Variants in VASH1 observed in about 807,000 individuals in gnomAD.
The protein encoded by VASH1 is tubulinyl-Tyr carboxypeptidase 1.
Under a neutral mutation model 35.0 loss-of-function variants are expected in VASH1, and 16 were observed. That is an observed-to-expected ratio of 0.46 (90% confidence interval 0.31 to 0.70). The LOEUF is 0.70. Ranked by LOEUF, VASH1 falls within the 30% of genes least tolerant of loss-of-function variation. VASH1 has a pLI of 0.05. For synonymous variants in VASH1, 214 were observed against 200.9 expected, an observed-to-expected ratio of 1.07 and a Z score of -0.55; for missense variants, 505 against 510.7, an observed-to-expected ratio of 0.99 and a Z score of 0.11.
At chr14:76,775,849 C>A in intron 4 of VASH1, 43 bp from the exon 5 acceptor site, 1 of 1,507,024 alleles carries the variant, frequency 6.6e-7, no homozygotes, top group South Asian at 1.3e-5. Flanking sequence ...GTGTGCTGGC[C>A]CCGTGCTTCT....
At position 76,776,034 on chromosome 14, in the gene VASH1, G is replaced by A. The variant is rs767794190; in HGVS notation, c.673G>A (p.Asp225Asn). Residue 225 changes from aspartate to asparagine, a missense_variant, in exon 5 of 7, where the codon GAC becomes AAC. Physicochemically the swap from Asp to Asn is conservative, Grantham distance 23. Transcript: ENST00000167106. ...TGCGCTGGGCATGAGTCGGCGCGAGGACCTGATGTACAAGCCGCCCGCCTT... is the reference window on the plus strand; with the variant it reads ...TGCGCTGGGCATGAGTCGGCGCGAGAACCTGATGTACAAGCCGCCCGCCTT... ...YGALGMSRRE[D>N]LMYKPPAFRT... The A allele has an allele frequency of 4.3e-6, 7 of 1,612,004 alleles. No homozygotes were observed.
At position 76,779,557 on chromosome 14, in the gene VASH1, T is replaced by C; in HGVS notation, c.*539T>C. ...TAGGAGTCCTTCTGAGAAAGGTCTG[T>C]GTAGCCCATTAACCAGGAGCTTGGC... On this transcript the variant is annotated 3_prime_UTR_variant, in exon 7 of 7. Coordinates refer to ENST00000167106, the MANE Select transcript of VASH1 (RefSeq NM_014909.5). 1.5e-6 allele frequency: 1 copy of C among 675,240 alleles called. No individual in the cohort carries two copies. Among genetic ancestry groups the C allele is most frequent in the South Asian group, 1.6e-5 (1 of 62,388 alleles). The allele number at this position is 675,240 out of a possible 1,614,324, so 41.8% of individuals were successfully genotyped here. A position where few individuals can be genotyped will look rare whatever the true frequency, so the allele number is the denominator to read the frequency against.
chr14:76,773,406 T>C, intron 4 of VASH1, 195 bp downstream of exon 4: 1 of 587,438 alleles, frequency 1.7e-6, no homozygotes, highest in East Asian at 2.8e-5. Flanking sequence ...GAGGTCCCAG[T>C]ACCCCACATC....
At chr14:76,768,980 C>T (rs1893718622) in intron 1 of VASH1, among the ~76,000 whole-genome samples, 1 of 152,214 alleles carries the variant, frequency 6.6e-6, no homozygotes, top group Non-Finnish European at 1.5e-5. Flanking sequence ...TCTGAAACCT[C>T]GGAGGACCCT....
In VASH1 at chr14:76,776,298, C is replaced by T. The variant is rs774123852; in HGVS notation, c.912+25C>T. 5 of 1,458,468 alleles carry T rather than the reference C, an allele frequency of 3.4e-6. No individual in the cohort carries two copies. The African/African-American group carries it at 4.1e-5, about 12-fold the overall frequency. The allele number at this position is 1,458,468 out of a possible 1,614,324, so 90.3% of individuals were successfully genotyped here. ...GGTCTGCCCGCCTTCCACGCCCTCG[C>T]CCCCTCCCTCGCCCCCTCCCCCGCC... is the stretch of plus-strand genomic sequence containing the variant. On this transcript the variant is annotated intron_variant, in intron 5 of 6. Transcript: ENST00000167106.
intron 3 of VASH1, among the ~76,000 whole-genome samples, chr14:76,772,916 C>T (rs779631274): frequency 7.9e-5 from 12 of 152,186 alleles, no homozygotes; most frequent in Non-Finnish European, 1.5e-4. Context: ...GGAGAGTGGG[C>T]CTCCTTCCTA....
At chr14:76,766,739 G>T (rs1893652311) in intron 1 of VASH1, among the ~76,000 whole-genome samples, 1 of 152,166 alleles carries the variant, frequency 6.6e-6, no homozygotes, top group African/African-American at 2.4e-5. Flanking sequence ...ACTACACCCA[G>T]CCTGGACATC....
At chr14:76,768,833 G>A (rs919152859) in intron 1 of VASH1, among the ~76,000 whole-genome samples, 33 of 152,206 alleles carry the variant, frequency 2.2e-4, no homozygotes, top group Non-Finnish European at 2.5e-4. Context: ...TTGGAGGGCC[G>A]GGTGGAGGCT....
intron 1 of VASH1, among the ~76,000 whole-genome samples, chr14:76,766,766 C>T (rs765574308): frequency 4.6e-5 from 7 of 152,138 alleles, no homozygotes; most frequent in African/African-American, 1.4e-4. Flanking sequence ...AAAAGGGTAA[C>T]GTTGCTGGGA....
In VASH1 at chr14:76,776,120, G is replaced by A. The variant is rs762674134; in HGVS notation, c.759G>A (p.Val253=). Residue 253 remains valine (V), a synonymous_variant, in exon 5 of 7, where the codon GTG becomes GTA. Coordinates refer to ENST00000167106, the MANE Select transcript of VASH1 (RefSeq NM_014909.5). ...CCGCCTACGGCCGCTGCTGGCACGT[G>A]CTCAAGAAGGTGAAGCTGGGCCAGA... ...FEAAYGRCWH[V]LKKVKLGQSV... is the part of the protein sequence containing the mutation. The A allele has an allele frequency of 6.2e-7, 1 of 1,609,546 alleles. No individual in the cohort carries two copies. Among genetic ancestry groups the A allele is most frequent in the East Asian group, 2.2e-5 (1 of 44,866 alleles).
rs1893995648 is a variant in VASH1, at chr14:76,778,083, A to C, written c.1025+12A>C. 6.8e-7 allele frequency: 1 copy of C among 1,465,290 alleles called. No homozygotes were observed. The highest frequency in any genetic ancestry group is 2.8e-5 in the Admixed American group (1 of 35,756). 90.8% of individuals were successfully genotyped at this position (1,465,290 alleles called of 1,614,324 possible). A position where few individuals can be genotyped will look rare whatever the true frequency, so the allele number is the denominator to read the frequency against. On this transcript the variant is annotated intron_variant, in intron 6 of 6. Coordinates refer to ENST00000167106, the MANE Select transcript of VASH1 (RefSeq NM_014909.5). The stretch of plus-strand genomic sequence containing the variant: ...CGCAGTGAAAGACGGTGAGAGAGGG[A>C]CCACGCCTGGGTGGGTCCAAAGAGG...
chr14:76,774,099 C>T (rs556208998), intron 4 of VASH1, among the ~76,000 whole-genome samples: 15 of 152,228 alleles, frequency 9.9e-5, no homozygotes, highest in Middle Eastern at 3.4e-3. Context: ...AAGAGGGTGA[C>T]GGGGAGGGGG....
intron 6 of VASH1, among the ~76,000 whole-genome samples, 168 bp from the exon 7 acceptor site, chr14:76,778,778 C>T (rs188882673): frequency 3.3e-4 from 50 of 152,310 alleles, no homozygotes; most frequent in Admixed American, 1.1e-3. Context: ...ACAGCACAGG[C>T]GGGCCAGGGT....
chr14:76,771,743 A>G (rs1233450806), intron 3 of VASH1, among the ~76,000 whole-genome samples: 1 of 152,190 alleles, frequency 6.6e-6, no homozygotes, highest in East Asian at 1.9e-4. Context: ...GTCTGAGCAC[A>G]GGGAGCTCCC....
At chr14:76,773,633 C>CA in intron 4 of VASH1, 1 of 184,122 alleles carries the variant, frequency 5.4e-6, no homozygotes, top group Non-Finnish European at 9.6e-6. Flanking sequence ...GCAAAACTGC[C>CA]TTAAAAAAAA....
chr14:76,773,691 A>C (rs1251514539), intron 4 of VASH1: 2 of 160,418 alleles, frequency 1.2e-5, no homozygotes, highest in African/African-American at 4.8e-5. Flanking sequence ...CCTCCAACCC[A>C]AAGGGCAGAA....
At chr14:76,773,062 C>G in intron 3 of VASH1, 75 bp from the exon 4 acceptor site, 3 of 1,467,052 alleles carry the variant, frequency 2.0e-6, no homozygotes, top group Non-Finnish European at 2.8e-6. Context: ...CTAGTCCACC[C>G]TGCCCCCTCC....
rs1419729884 is a variant in VASH1, at chr14:76,778,055, A to C, written c.1009A>C (p.Ser337Arg). The change falls in exon 6 of 7, where the codon AGC becomes CGC. Residue 337 changes from serine (S) to arginine (R), a missense_variant. Ser to Arg is a moderately radical substitution (Grantham distance 110). Transcript: ENST00000167106. ...RAQSSPHRRN[S>R]RSERRPSGDK... ...CCAGTCCAGCCCCCACCGCAGGAAC[A>C]GCCGCAGTGAAAGACGGTGAGAGAG... The C allele has an allele frequency of 6.6e-7, 1 of 1,505,822 alleles. No homozygotes were observed. The highest frequency in any genetic ancestry group is 8.9e-7 in the Non-Finnish European group (1 of 1,128,268). 93.3% of individuals were successfully genotyped at this position (1,505,822 alleles called of 1,614,324 possible).
chr14:76,761,686 C>T lies in VASH1; in HGVS notation c.-1136C>T, dbSNP rs1431988293. Among the ~76,000 whole-genome samples, 1 of 151,878 alleles carries T rather than the reference C, an allele frequency of 6.6e-6. No individual in the cohort carries two copies. The highest frequency in any genetic ancestry group is 6.6e-5 in the Admixed American group (1 of 15,238). ...CGGCTTCGTCACTCGCCTCCAGCTA[C>T]ATCCGCCGGCCGAGGCTGCGCGAGC... On this transcript the variant is annotated 5_prime_UTR_variant, in exon 1 of 7. Transcript: ENST00000167106.
Sources: allele counts gnomAD v4.1 joint callset (sites outside exome capture counted in the v4.1 genomes callset), GRCh38; gene constraint gnomAD v4.1.1; transcripts MANE v1.5; gene names NCBI Gene and HGNC (gene_info 2026-07-23, HGNC 2026-07-21).